The following CCDC47 variants were observed in gnomAD, a reference collection of about 807,000 sequenced individuals.
CCDC47 encodes coiled-coil domain containing 47.
A neutral mutation model predicts 60.5 loss-of-function variants in CCDC47; 41 were observed. The observed-to-expected ratio is 0.68, with a 90% CI of 0.53 to 0.88. The LOEUF (loss-of-function observed/expected upper bound fraction) is 0.88. Ranked by LOEUF, CCDC47 falls within the 40% of genes least tolerant of loss-of-function variation. The pLI, the probability that CCDC47 is intolerant of heterozygous loss-of-function variation, is 0.00. For missense variants in CCDC47, 513 were observed against 580.9 expected (o/e 0.88, Z 1.20); for synonymous variants, 195 against 190.7 (o/e 1.02, Z -0.18).
At chr17:63,754,638 G>C (rs964086397) in intron 8 of CCDC47, 120 bp from the exon 9 acceptor site, 3 of 589,926 alleles carry the variant, frequency 5.1e-6, no homozygotes, top group Non-Finnish European at 8.9e-6. Context: ...CCGCACTTTG[G>C]GAGGCAGGTG....
rs560286735 is a variant in CCDC47, at chr17:63,766,315, G to A, written c.-19-121C>T. The A allele has an allele frequency of 2.2e-5, 20 of 915,408 alleles. No homozygotes were observed. In the African/African-American group the frequency reaches 2.5e-4, roughly 12 times the overall value. 56.7% of individuals were successfully genotyped at this position (915,408 alleles called of 1,614,324 possible). A position where few individuals can be genotyped will look rare whatever the true frequency, so the allele number is the denominator to read the frequency against. On this transcript the variant is annotated intron_variant, in intron 1 of 12. Transcript: ENST00000225726. ...CTCTTATTTGGTACTATTAGATTCA[G>A]ACCACATTATATAAAGAACAATGAA...
At chr17:63,748,275 G>A (rs2039135314) in intron 12 of CCDC47, among the ~76,000 whole-genome samples, 1 of 151,832 alleles carries the variant, frequency 6.6e-6, no homozygotes, top group Non-Finnish European at 1.5e-5. Flanking sequence ...ATCATGCCCA[G>A]CTAATTTTTG....
chr17:63,764,700 T>G, intron 3 of CCDC47, 40 bp downstream of exon 3: 2 of 1,540,172 alleles, frequency 1.3e-6, no homozygotes, highest in Non-Finnish European at 8.9e-7. Context: ...GACAAGACAT[T>G]TTGTTGTTTA....
chr17:63,761,179 C>G, intron 5 of CCDC47, 51 bp downstream of exon 5: 3 of 1,610,188 alleles, frequency 1.9e-6, no homozygotes, highest in Non-Finnish European at 1.7e-6. Flanking sequence ...GGAATCACAA[C>G]TGGACAAAAT....
At chr17:63,772,606 G>A (rs975976498) in intron 1 of CCDC47, among the ~76,000 whole-genome samples, 3 of 152,056 alleles carry the variant, frequency 2.0e-5, no homozygotes, top group Non-Finnish European at 4.4e-5. Flanking sequence ...GCAACTAAAA[G>A]TTAACACCGG....
intron 4 of CCDC47, chr17:63,762,257 G>A: frequency 1.0e-6 from 1 of 985,286 alleles, no homozygotes; most frequent in Non-Finnish European, 1.2e-6. Flanking sequence ...ATGAAAACAA[G>A]CAAGGGGAAG....
chr17:63,767,623 C>T (rs184991743), intron 1 of CCDC47, among the ~76,000 whole-genome samples: 280 of 152,174 alleles, frequency 1.8e-3, no homozygotes, highest in Non-Finnish European at 3.1e-3. Context: ...TCTGTTTTGA[C>T]GCCCTACAAA....
intron 6 of CCDC47, among the ~76,000 whole-genome samples, chr17:63,759,552 T>A (rs1156698016): frequency 0.15 from 5,228 of 35,312 alleles, 1,652 homozygotes; most frequent in African/African-American, 0.25. Flanking sequence ...TATATATATA[T>A]ATATATATAT....
Position 63,756,218 on chromosome 17 carries a change from G to A in CCDC47, c.948+22C>T, listed in dbSNP as rs761459842. On this transcript the variant is annotated intron_variant, in intron 8 of 12. Coordinates refer to ENST00000225726, the MANE Select transcript of CCDC47 (RefSeq NM_020198.3). ...CTGTAAATGCCAAGGCCTGGCAAATGTATGTCTTCTGTCGCATTTACCTTT... is the reference window on the plus strand; with the variant it reads ...CTGTAAATGCCAAGGCCTGGCAAATATATGTCTTCTGTCGCATTTACCTTT... 7 of 1,536,236 alleles carry A rather than the reference G, an allele frequency of 4.6e-6. No homozygotes were observed. In the East Asian group the frequency reaches 9.0e-5, roughly 20 times the overall value.
chr17:63,758,314 G>A (rs1405626779), intron 6 of CCDC47, among the ~76,000 whole-genome samples: 1 of 152,160 alleles, frequency 6.6e-6, no homozygotes, highest in Non-Finnish European at 1.5e-5. Flanking sequence ...CTGAAGTGGG[G>A]CAGTCTTGTG....
chr17:63,761,678 C>T (rs917652753), intron 4 of CCDC47: 8 of 257,600 alleles, frequency 3.1e-5, no homozygotes, highest in East Asian at 1.6e-4. Context: ...GCCTGGATGA[C>T]AGAGCAAGAC....
intron 12 of CCDC47, among the ~76,000 whole-genome samples, chr17:63,748,798 G>A (rs1365548398): frequency 6.6e-6 from 1 of 151,938 alleles, no homozygotes; most frequent in Non-Finnish European, 1.5e-5. Context: ...GATTACTTGA[G>A]AGATCAGGAG....
chr17:63,769,168 T>C (rs944766335), intron 1 of CCDC47, among the ~76,000 whole-genome samples: 1 of 150,690 alleles, frequency 6.6e-6, no homozygotes, highest in African/African-American at 2.4e-5. Context: ...GAGAATCACC[T>C]GAGCCCAGGA....
intron 2 of CCDC47, among the ~76,000 whole-genome samples, chr17:63,765,364 A>C (rs1163962040): frequency 2.0e-5 from 3 of 151,328 alleles, no homozygotes; most frequent in African/African-American, 7.3e-5. Context: ...TTTTGGAGAC[A>C]AGGTCTTGCT....
In CCDC47 at chr17:63,745,430, GCCA is replaced by G. The variant is rs889116540; in HGVS notation, c.*1448_*1450del. The G allele has an allele frequency of 1.3e-5, 2 of 152,332 alleles. No homozygotes were observed. Among genetic ancestry groups the G allele is most frequent in the African/African-American group, 4.8e-5 (2 of 41,404 alleles). The allele number at this position is 152,332 out of a possible 1,614,324, so 9.4% of individuals were successfully genotyped here. A position where few individuals can be genotyped will look rare whatever the true frequency, so the allele number is the denominator to read the frequency against. ...GTAATTTAAAGGTTTGTAAAACAAGGCCACTACTATAATTATATAATATTAAAG... is the reference window on the plus strand; with the variant it reads ...GTAATTTAAAGGTTTGTAAAACAAGGCTACTATAATTATATAATATTAAAG... On this transcript the variant is annotated 3_prime_UTR_variant, in exon 13 of 13. Transcript: ENST00000225726.
intron 1 of CCDC47, 59 bp downstream of exon 1, chr17:63,773,353 G>C (rs892513388): frequency 6.6e-6 from 1 of 152,312 alleles, no homozygotes; most frequent in African/African-American, 2.4e-5. Flanking sequence ...AAGCAACTCG[G>C]AGTCACCGCT....
chr17:63,761,271 A>T lies in CCDC47; in HGVS notation c.628T>A (p.Ser210Thr), dbSNP rs997644190. Residue 210 changes from serine (S) to threonine (T), a missense_variant, in exon 5 of 13, where the codon TCT (serine) becomes ACT (threonine). By Grantham distance (58) the Ser-to-Thr change is moderately conservative. Coordinates refer to ENST00000225726, the MANE Select transcript of CCDC47 (RefSeq NM_020198.3). ...ATGCCCTCACAGCACACTCGACCAG[A>T]ACACCACAGGTTATAGATGTGCTCA... is the stretch of plus-strand genomic sequence containing the variant. The part of the protein sequence containing the change: ...ENEHIYNLWC[S>T]GRVCCEGMLI... The T allele has an allele frequency of 6.2e-7, 1 of 1,614,138 alleles. No individual in the cohort carries two copies. Among genetic ancestry groups the T allele is most frequent in the Non-Finnish European group, 8.5e-7 (1 of 1,180,016 alleles).
intron 12 of CCDC47, chr17:63,751,636 A>C: frequency 1.9e-6 from 1 of 524,686 alleles, no homozygotes; most frequent in Non-Finnish European, 3.4e-6. Flanking sequence ...CCTTCTATTA[A>C]AATTTCTAAC....
At chr17:63,765,097 A>G (rs1671496389) in intron 2 of CCDC47, 1 of 268,884 alleles carries the variant, frequency 3.7e-6, no homozygotes, top group African/African-American at 2.4e-5. Context: ...ATCTGCTAAG[A>G]GAATATATTG....
Sources: allele counts gnomAD v4.1 joint callset (sites outside exome capture counted in the v4.1 genomes callset), GRCh38; gene constraint gnomAD v4.1.1; transcripts MANE v1.5; gene names NCBI Gene and HGNC (gene_info 2026-07-23, HGNC 2026-07-21).